The following APC variants were observed in gnomAD, a reference collection of about 807,000 sequenced individuals.
APC encodes the protein APC regulator of Wnt signaling pathway, also known as adenomatous polyposis coli protein.
Under a neutral mutation model 247.0 loss-of-function variants are expected in APC, and 72 were observed. The ratio of observed to expected loss-of-function variants is 0.29; its 90% CI spans 0.24 to 0.35. The LOEUF (loss-of-function observed/expected upper bound fraction) is 0.35, where lower values mean the gene tolerates loss of function less well. Among genes scored for constraint, APC ranks in the 10% least tolerant of loss-of-function variants. APC has a pLI of 1.00. For synonymous variants in APC, 1,254 were observed against 1,162.5 expected, an observed-to-expected ratio of 1.08 and a Z score of -1.60; for missense variants, 3,400 against 3,360.7, an observed-to-expected ratio of 1.01 and a Z score of -0.29.
chr5:112,750,832 G>A (rs1021124477), intron 1 of APC, among the ~76,000 whole-genome samples: 3 of 152,078 alleles, frequency 2.0e-5, no homozygotes, highest in Non-Finnish European at 4.4e-5. Flanking sequence ...GCTCTCATAA[G>A]CAATGAAATG....
rs1297952942 is a variant in APC, at chr5:112,716,275, A to G, written c.165+8393A>G. Reference sequence around the variant, plus strand: ...TTTGATACATAGTATTTTTTGGTACATAGTATTTTTATAATTCACTTAAGA... The same window carrying G: ...TTTGATACATAGTATTTTTTGGTACGTAGTATTTTTATAATTCACTTAAGA... On this transcript the variant is annotated intron_variant, in intron 1 of 13. Transcript: ENST00000507379. Among the ~76,000 whole-genome samples, 17 of 152,120 alleles carry G rather than the reference A, an allele frequency of 1.1e-4. No homozygotes were observed. In the East Asian group the frequency reaches 2.5e-3, roughly 22 times the overall value.
Position 112,843,099 on chromosome 5 carries a change from G to A in APC, c.7505G>A (p.Gly2502Asp), listed in dbSNP as rs767036142. The A allele has an allele frequency of 2.5e-6, 4 of 1,614,020 alleles. No individual in the cohort carries two copies. The South Asian group carries it at 4.4e-5, about 18-fold the overall frequency. ...TCCACACATTCGTCTGTTCAGGCTGGTGGATGGCGAAAACTCCCACCTAAT... is the reference window on the plus strand; with the variant it reads ...TCCACACATTCGTCTGTTCAGGCTGATGGATGGCGAAAACTCCCACCTAAT... ...SLSTHSSVQA[G>D]GWRKLPPNLS... The change falls in exon 16 of 16, where the codon GGT (glycine) becomes GAT (aspartate). Residue 2502 changes from glycine (G) to aspartate (D), a missense_variant. Physicochemically the swap from Gly to Asp is moderately conservative, Grantham distance 94. Transcript: ENST00000257430. This position sits in a 1 kb window ranked among gnomAD's most constrained non-coding sequence, Gnocchi z 4.8.
chr5:112,712,299 T>C (rs1327365277), intron 1 of APC, among the ~76,000 whole-genome samples: 1 of 152,210 alleles, frequency 6.6e-6, no homozygotes, highest in Non-Finnish European at 1.5e-5. Context: ...GTCTATCTTA[T>C]ATATACTACC....
At chr5:112,779,457 G>A (rs902202392) in intron 5 of APC, among the ~76,000 whole-genome samples, 1 of 152,090 alleles carries the variant, frequency 6.6e-6, no homozygotes, top group African/African-American at 2.4e-5. Context: ...TATTTAATAT[G>A]ATATATAAGA....
rs1765590845 is a variant in APC, at chr5:112,839,648, G to A, written c.4054G>A (p.Val1352Ile). The A allele has an allele frequency of 6.2e-7, 1 of 1,614,152 alleles. No homozygotes were observed. The highest frequency in any genetic ancestry group is 1.3e-5 in the African/African-American group (1 of 75,032). The change falls in exon 16 of 16, where the codon GTT (valine) becomes ATT (isoleucine). Residue 1352 changes from valine (V) to isoleucine (I), a missense_variant. Around this residue, in one of 9 missense-constraint regions of APC, gnomAD observed 715 missense variants for 656.6 expected, o/e 1.09. Transcript: ENST00000257430. The surrounding 1 kb of genome is among the most constrained non-coding windows in gnomAD (Gnocchi z 5.0). ...LSSESARHKA[V>I]EFSSGAKSPS... is the part of the protein sequence containing the mutation. The stretch of plus-strand genomic sequence containing the variant: ...TTCAGAATCAGCCAGGCACAAAGCT[G>A]TTGAATTTTCTTCAGGAGCGAAATC...
At chr5:112,795,245 C>G (rs1760085187) in intron 7 of APC, among the ~76,000 whole-genome samples, 1 of 152,104 alleles carries the variant, frequency 6.6e-6, no homozygotes, top group African/African-American at 2.4e-5. Flanking sequence ...CCAGGCTGGG[C>G]TTGAACTCCT....
chr5:112,782,762 A>G (rs1758488072), intron 6 of APC, among the ~76,000 whole-genome samples: 1 of 152,212 alleles, frequency 6.6e-6, no homozygotes, highest in Admixed American at 6.5e-5. Context: ...ATGATAAAAG[A>G]CCAATAAGTT....
chr5:112,711,243 A>G (rs1207869546), intron 1 of APC, among the ~76,000 whole-genome samples: 5 of 152,236 alleles, frequency 3.3e-5, no homozygotes, highest in Non-Finnish European at 2.9e-5. Context: ...TGAACTGCAC[A>G]TGCAAGGGAT....
rs761296130 is a variant in APC at position 112,842,323 on chromosome 5, A to G, written c.6729A>G (p.Thr2243=). The G allele has an allele frequency of 9.3e-6, 15 of 1,613,850 alleles. No individual in the cohort carries two copies. Among genetic ancestry groups the G allele is most frequent in the Non-Finnish European group, 1.2e-5 (14 of 1,179,792 alleles). Reference sequence around the variant, plus strand: ...GAGTTCGAAATAGCTCCTCAAGTACAAGTCCTGTTTCTAAAAAAGGCCCAC... The same window carrying G: ...GAGTTCGAAATAGCTCCTCAAGTACGAGTCCTGTTTCTAAAAAAGGCCCAC... ...IPGVRNSSSS[T]SPVSKKGPPL... is the part of the protein sequence containing the mutation. Residue 2243 remains threonine (T), a synonymous_variant, in exon 16 of 16, where the codon ACA becomes ACG. Transcript: ENST00000257430.
At chr5:112,808,229 T>G (rs916938219) in intron 8 of APC, among the ~76,000 whole-genome samples, 1 of 152,140 alleles carries the variant, frequency 6.6e-6, no homozygotes, top group Non-Finnish European at 1.5e-5. Context: ...ACAGTAATTG[T>G]TTAATAGCAT....
rs149406241 is a variant in APC, at chr5:112,772,889, C to G, written c.423-2740C>G. ...TAGTAGCATCACCATCTATTTTATTCTTTTTCCCACCTTGGACCTGGTAGG... is the reference window on the plus strand; with the variant it reads ...TAGTAGCATCACCATCTATTTTATTGTTTTTCCCACCTTGGACCTGGTAGG... On this transcript the variant is annotated intron_variant, in intron 4 of 15. Transcript: ENST00000257430. 8.1e-3 allele frequency among the ~76,000 whole-genome samples: 1,232 copies of G among 152,282 alleles called. 18 individuals carry two copies. Among genetic ancestry groups the G allele is most frequent in the African/African-American group, 0.028 (1,173 of 41,566 alleles).
At chr5:112,739,583 G>A (rs963026839) in intron 1 of APC, among the ~76,000 whole-genome samples, 2 of 152,172 alleles carry the variant, frequency 1.3e-5, no homozygotes, top group Admixed American at 1.3e-4. Flanking sequence ...TAGGAGCCGG[G>A]CGTGGTGGCC....
rs143796828 is a variant in APC, at chr5:112,839,966, C to A, written c.4372C>A (p.Pro1458Thr). 1.2e-6 allele frequency: 2 copies of A among 1,614,080 alleles called. No individual in the cohort carries two copies. Among genetic ancestry groups the A allele is most frequent in the Non-Finnish European group, 1.7e-6 (2 of 1,180,028 alleles). The change falls in exon 16 of 16, where the codon CCT becomes ACT. Residue 1458 changes from proline to threonine, a missense_variant. By Grantham distance (38) the Pro-to-Thr change is conservative. Around this residue, in one of 9 missense-constraint regions of APC, gnomAD observed 1,788 missense variants for 1,649.5 expected, o/e 1.08. Coordinates refer to ENST00000257430, the MANE Select transcript of APC (RefSeq NM_000038.6). This position sits in a 1 kb window ranked among gnomAD's most constrained non-coding sequence, Gnocchi z 5.0. ...TKREVPKNKA[P>T]TAEKRESGPK... is the part of the protein sequence containing the mutation. ...GCGAGAAGTACCTAAAAATAAAGCA[C>A]CTACTGCTGAAAAGAGAGAGAGTGG... is the stretch of plus-strand genomic sequence containing the variant.
At chr5:112,758,791 C>T (rs559034778) in intron 2 of APC, among the ~76,000 whole-genome samples, 10 of 151,946 alleles carry the variant, frequency 6.6e-5, no homozygotes, top group South Asian at 6.2e-4. Flanking sequence ...TTAGTAGAGA[C>T]GGAGTTTTGC....
rs1326410920 is a variant in APC, at chr5:112,801,351, G to A, written c.802G>A (p.Glu268Lys). Reference sequence around the variant, plus strand: ...GCAGAATGAAGGTCAAGGAGTGGGAGAAATCAACATGGCAACTTCTGGTAA... The same window carrying A: ...GCAGAATGAAGGTCAAGGAGTGGGAAAAATCAACATGGCAACTTCTGGTAA... ...ERQNEGQGVG[E>K]INMATSGNGQ... is the part of the protein sequence containing the mutation. Residue 268 changes from glutamate to lysine, a missense_variant, in exon 8 of 16, where the codon GAA becomes AAA. Around this residue, in one of 9 missense-constraint regions of APC, gnomAD observed 372 missense variants for 367.6 expected, o/e 1.01. Coordinates refer to ENST00000257430, the MANE Select transcript of APC (RefSeq NM_000038.6). 4 of 1,612,332 alleles carry A rather than the reference G, an allele frequency of 2.5e-6. No homozygotes were observed. The highest frequency in any genetic ancestry group is 3.4e-6 in the Non-Finnish European group (4 of 1,178,824).
rs1194891065 is a variant in APC at position 112,844,611 on chromosome 5, T to C, written c.*485T>C. 1 of 234,590 alleles carries C rather than the reference T, an allele frequency of 4.3e-6. No individual in the cohort carries two copies. Among genetic ancestry groups the C allele is most frequent in the Non-Finnish European group, 8.4e-6 (1 of 119,016 alleles). 14.5% of individuals were successfully genotyped at this position (234,590 alleles called of 1,614,324 possible). A position where few individuals can be genotyped will look rare whatever the true frequency, so the allele number is the denominator to read the frequency against. On this transcript the variant is annotated 3_prime_UTR_variant, in exon 16 of 16. Coordinates refer to ENST00000257430, the MANE Select transcript of APC (RefSeq NM_000038.6). ...GGCTGTGAAATTCACAGTAATATGG[T>C]TCCCGATGAACAAGTTTACCCAGCC...
chr5:112,722,383 A>T (rs998262298), intron 1 of APC, among the ~76,000 whole-genome samples: 1 of 152,220 alleles, frequency 6.6e-6, no homozygotes, highest in Non-Finnish European at 1.5e-5. Context: ...ATCTTGGGAA[A>T]TTTACCAATT....
chr5:112,714,338 A>G (rs923828854), intron 1 of APC, among the ~76,000 whole-genome samples: 1 of 152,266 alleles, frequency 6.6e-6, no homozygotes, highest in African/African-American at 2.4e-5. Context: ...GCCCCTGCAC[A>G]TGTATACACT....
chr5:112,762,267 G>T (rs890225415), intron 2 of APC, among the ~76,000 whole-genome samples: 2 of 152,212 alleles, frequency 1.3e-5, no homozygotes, highest in East Asian at 3.8e-4. Context: ...ATTGCTGAGA[G>T]AAGTATTAAA....
Sources: gnomAD v4.1 joint callset for allele counts (sites outside exome capture counted in the v4.1 genomes callset) on GRCh38, gnomAD v4.1.1 for gene constraint, gnomAD v4.1.1 regional missense constraint, Gnocchi (gnomAD v3.1) non-coding constraint, MANE v1.5 for transcripts, NCBI Gene and HGNC (gene_info 2026-07-23, HGNC 2026-07-21) for gene names.